C1orf21: variants seen among roughly 807,000 people sequenced by gnomAD.
C1orf21 encodes the protein uncharacterized protein C1orf21.
In C1orf21, 3 loss-of-function variants were observed where a neutral mutation model predicts 18.7. The ratio of observed to expected loss-of-function variants is 0.16; its 90% CI spans 0.07 to 0.42. The LOEUF is 0.42. C1orf21 is among the 10% of genes least tolerant of loss of function. The probability of loss-of-function intolerance (pLI) is 0.99; values close to 1 mark genes in which losing one functional copy is unlikely to be tolerated. For synonymous variants in C1orf21, 41 were observed against 46.4 expected, an observed-to-expected ratio of 0.88 and a Z score of 0.47; for missense variants, 104 against 143.6, an observed-to-expected ratio of 0.72 and a Z score of 1.41.
At chr1:184,602,903 A>G (rs913098575) in intron 5 of C1orf21, among the ~76,000 whole-genome samples, 5 of 152,208 alleles carry the variant, frequency 3.3e-5, no homozygotes, top group African/African-American at 1.2e-4. Flanking sequence ...AGGATCCTGA[A>G]TATTAAATAA....
At position 184,599,817 on chromosome 1, in the gene C1orf21, G is replaced by T. The variant is rs529188138; in HGVS notation, c.327+1356G>T. On this transcript the variant is annotated intron_variant, in intron 5 of 5. Transcript: ENST00000235307. Reference sequence around the variant, plus strand: ...AATGCTCCAAAATCTGTAACTTTTTGAGTGCAGACATGATGCTCGAGCATT... The same window carrying T: ...AATGCTCCAAAATCTGTAACTTTTTTAGTGCAGACATGATGCTCGAGCATT... 5.3e-5 allele frequency among the ~76,000 whole-genome samples: 8 copies of T among 152,288 alleles called. No homozygotes were observed. The South Asian group carries it at 1.7e-3, about 32-fold the overall frequency.
At chr1:184,404,070 G>A (rs754417588) in intron 1 of C1orf21, among the ~76,000 whole-genome samples, 4 of 152,044 alleles carry the variant, frequency 2.6e-5, no homozygotes, top group African/African-American at 9.7e-5. Flanking sequence ...TCATTTAATC[G>A]GATAATAGCC....
intron 3 of C1orf21, among the ~76,000 whole-genome samples, chr1:184,523,804 A>G (rs1326616485): frequency 6.6e-6 from 1 of 152,308 alleles, no homozygotes; most frequent in Non-Finnish European, 1.5e-5. Context: ...CCATTTGAAT[A>G]TGCCATAATT....
intron 3 of C1orf21, among the ~76,000 whole-genome samples, chr1:184,531,823 A>G (rs896962422): frequency 2.0e-5 from 3 of 152,166 alleles, no homozygotes; most frequent in Admixed American, 2.0e-4. Context: ...TGCACTTCCT[A>G]CAGCTGAGAT....
In C1orf21 at chr1:184,549,436, T is replaced by C. The variant is rs1658780952; in HGVS notation, c.190-41303T>C. Among the ~76,000 whole-genome samples, 4 of 152,246 alleles carry C rather than the reference T, an allele frequency of 2.6e-5. 1 individual carries two copies. In the South Asian group the frequency reaches 8.3e-4, roughly 32 times the overall value. The stretch of plus-strand genomic sequence containing the variant: ...CAGTCAACAGCAGTGTTGTAAAATA[T>C]ACTAAATTTATATTTAAATATATGT... On this transcript the variant is annotated intron_variant, in intron 3 of 5. Transcript: ENST00000235307.
At chr1:184,538,723 A>G (rs1164578382) in intron 3 of C1orf21, among the ~76,000 whole-genome samples, 1 of 152,204 alleles carries the variant, frequency 6.6e-6, no homozygotes, top group African/African-American at 2.4e-5. Context: ...TCTTTTCTCC[A>G]TTGAATGGTC....
chr1:184,499,635 TCTC>T (rs1349036331), intron 2 of C1orf21, among the ~76,000 whole-genome samples: 4 of 151,416 alleles, frequency 2.6e-5, no homozygotes, highest in Non-Finnish European at 5.9e-5. Flanking sequence ...TCCTACATCA[TCTC>T]CTGAAAAAAT....
intron 1 of C1orf21, among the ~76,000 whole-genome samples, chr1:184,439,879 A>G (rs1016649096): frequency 1.3e-5 from 2 of 152,274 alleles, no homozygotes; most frequent in Non-Finnish European, 2.9e-5. Flanking sequence ...GAAAAGTGGC[A>G]TAAAAATTAA....
intron 3 of C1orf21, among the ~76,000 whole-genome samples, chr1:184,572,850 G>A (rs1659131967): frequency 6.6e-6 from 1 of 151,982 alleles, no homozygotes; most frequent in South Asian, 2.1e-4. Context: ...TACTCAGGAG[G>A]CTGAGGCAGG....
At chr1:184,480,934 G>C (rs1264825740) in intron 2 of C1orf21, among the ~76,000 whole-genome samples, 3 of 152,154 alleles carry the variant, frequency 2.0e-5, no homozygotes, top group Admixed American at 1.3e-4. Flanking sequence ...CCAGGTGGGA[G>C]AGCCTTCCAT....
At chr1:184,513,044 A>G (rs1024098902) in intron 3 of C1orf21, among the ~76,000 whole-genome samples, 4 of 152,182 alleles carry the variant, frequency 2.6e-5, no homozygotes, top group African/African-American at 9.7e-5. Context: ...ATTCTTAACT[A>G]ATGTCTGATG....
rs1659957883 is a variant in C1orf21 at position 184,623,525 on chromosome 1, G to C, written c.*3969G>C. ...AAAATAATAAGGCATGATTGGTGGGGAGGGAATGTGTATTTAGGGGCATAA... is the reference window on the plus strand; with the variant it reads ...AAAATAATAAGGCATGATTGGTGGGCAGGGAATGTGTATTTAGGGGCATAA... On this transcript the variant is annotated 3_prime_UTR_variant, in exon 6 of 6. Coordinates refer to ENST00000235307, the MANE Select transcript of C1orf21 (RefSeq NM_030806.4). The C allele has an allele frequency of 6.6e-6, 1 of 152,174 alleles. No homozygotes were observed. Among genetic ancestry groups the C allele is most frequent in the South Asian group, 2.1e-4 (1 of 4,818 alleles). 9.4% of individuals were successfully genotyped at this position (152,174 alleles called of 1,614,324 possible).
intron 1 of C1orf21, among the ~76,000 whole-genome samples, chr1:184,397,273 A>G (rs565887477): frequency 9.2e-5 from 14 of 152,316 alleles, no homozygotes; most frequent in African/African-American, 3.1e-4. Flanking sequence ...ATATATCAAC[A>G]TGTTTTCTCA....
chr1:184,579,906 G>T (rs1232454500), intron 3 of C1orf21, among the ~76,000 whole-genome samples: 1 of 152,134 alleles, frequency 6.6e-6, no homozygotes, highest in Non-Finnish European at 1.5e-5. Flanking sequence ...CTGTAGGGTG[G>T]ATGCCTAATG....
At chr1:184,608,234 C>A (rs943221569) in intron 5 of C1orf21, among the ~76,000 whole-genome samples, 1 of 152,130 alleles carries the variant, frequency 6.6e-6, no homozygotes, top group Non-Finnish European at 1.5e-5. Context: ...TCATACTTTT[C>A]TGTATCTTTT....
chr1:184,565,113 C>T (rs1049137029), intron 3 of C1orf21, among the ~76,000 whole-genome samples: 1 of 152,082 alleles, frequency 6.6e-6, no homozygotes, highest in Non-Finnish European at 1.5e-5. Context: ...GATGTTAGAA[C>T]AAAAAAGTAT....
intron 3 of C1orf21, among the ~76,000 whole-genome samples, chr1:184,513,135 A>C (rs1658176006): frequency 6.6e-6 from 1 of 152,202 alleles, no homozygotes; most frequent in Non-Finnish European, 1.5e-5. Flanking sequence ...ATCTTCCATG[A>C]AACCAGTTCC....
intron 1 of C1orf21, among the ~76,000 whole-genome samples, chr1:184,431,878 A>G (rs1252627307): frequency 6.6e-6 from 1 of 152,248 alleles, no homozygotes; most frequent in Non-Finnish European, 1.5e-5. Context: ...ATGAACAGAC[A>G]CTTCTCAAAA....
At position 184,606,318 on chromosome 1, in the gene C1orf21, G is replaced by A. The variant is rs556606821; in HGVS notation, c.327+7857G>A. Among the ~76,000 whole-genome samples, 4 of 152,352 alleles carry A rather than the reference G, an allele frequency of 2.6e-5. No individual in the cohort carries two copies. In the East Asian group the frequency reaches 7.7e-4, roughly 29 times the overall value. ...TGGCCAGGTGTAGTGGCCCATGCCT[G>A]TAATCCCAACACTTTGAGAGGCTGA... On this transcript the variant is annotated intron_variant, in intron 5 of 5. Transcript: ENST00000235307.
Sources: gnomAD v4.1 joint callset for allele counts (sites outside exome capture counted in the v4.1 genomes callset) on GRCh38, gnomAD v4.1.1 for gene constraint, MANE v1.5 for transcripts, NCBI Gene and HGNC (gene_info 2026-07-23, HGNC 2026-07-21) for gene names.